The following MDGA2 variants were observed in gnomAD, a reference collection of about 807,000 sequenced individuals.
The protein encoded by MDGA2 is MAM domain-containing glycosylphosphatidylinositol anchor protein 2.
Under a neutral mutation model 117.8 loss-of-function variants are expected in MDGA2, and 40 were observed. The observed-to-expected ratio is 0.34, with a 90% CI of 0.26 to 0.44. The LOEUF is 0.44. Among genes scored for constraint, MDGA2 ranks in the 20% least tolerant of loss-of-function variants. MDGA2 has a pLI of 1.00. For synonymous variants in MDGA2, 452 were observed against 439.0 expected (o/e 1.03, Z -0.37); for missense variants, 1,123 against 1,250.6 (o/e 0.90, Z 1.54).
intron 10 of MDGA2, among the ~76,000 whole-genome samples, chr14:46,893,950 T>A (rs1262560189): frequency 6.6e-6 from 1 of 151,990 alleles, no homozygotes; most frequent in African/African-American, 2.4e-5. Flanking sequence ...CCACCAGACA[T>A]CAGAAAGGCT....
chr14:46,948,677 T>C (rs1051994174), intron 9 of MDGA2, among the ~76,000 whole-genome samples: 5 of 151,918 alleles, frequency 3.3e-5, no homozygotes, highest in Admixed American at 1.3e-4. Flanking sequence ...TCTCTCAACG[T>C]TTCTCCTAAT....
At chr14:47,528,986 G>C (rs961484520) in intron 1 of MDGA2, among the ~76,000 whole-genome samples, 1 of 111,608 alleles carries the variant, frequency 9.0e-6, no homozygotes, top group Non-Finnish European at 1.8e-5. Flanking sequence ...TGTCAAGGGA[G>C]ATTTTACAAA....
chr14:47,462,375 C>CTAAAA (rs1893507477), intron 1 of MDGA2, among the ~76,000 whole-genome samples: 2 of 96,068 alleles, frequency 2.1e-5, no homozygotes, highest in Non-Finnish European at 4.3e-5. Flanking sequence ...GACTCCGTCC[C>CTAAAA]AAAAAAAAAA....
At chr14:47,516,700 T>C (rs971354222) in intron 1 of MDGA2, among the ~76,000 whole-genome samples, 1 of 152,178 alleles carries the variant, frequency 6.6e-6, no homozygotes, top group African/African-American at 2.4e-5. Context: ...GGGTCGGGCA[T>C]AGCTGAAGCA....
intron 1 of MDGA2, among the ~76,000 whole-genome samples, chr14:47,382,791 T>C (rs879515292): frequency 2.0e-5 from 3 of 152,204 alleles, no homozygotes; most frequent in Non-Finnish European, 4.4e-5. Context: ...TAGAAGACAG[T>C]GTGGCGATTC....
chr14:47,015,574 G>A (rs1888055388), intron 8 of MDGA2, among the ~76,000 whole-genome samples: 1 of 152,072 alleles, frequency 6.6e-6, no homozygotes, highest in African/African-American at 2.4e-5. Flanking sequence ...GAAAAGTCAT[G>A]ACTGGGAAGG....
intron 3 of MDGA2, among the ~76,000 whole-genome samples, chr14:47,184,200 T>C (rs1566670588): frequency 2.0e-5 from 3 of 152,150 alleles, no homozygotes; most frequent in East Asian, 1.9e-4. Context: ...TGTTTTCATA[T>C]TGTCTTATTG....
intron 6 of MDGA2, among the ~76,000 whole-genome samples, chr14:47,094,306 A>T (rs1323585328): frequency 1.3e-5 from 2 of 152,080 alleles, no homozygotes; most frequent in African/African-American, 4.8e-5. Flanking sequence ...AAAATTGAAG[A>T]AATAAATTTT....
intron 1 of MDGA2, among the ~76,000 whole-genome samples, chr14:47,607,433 C>G (rs1374491730): frequency 2.0e-5 from 3 of 152,044 alleles, no homozygotes; most frequent in African/African-American, 7.2e-5. Context: ...ATTTTAGTTG[C>G]TATATATCAA....
At chr14:46,938,267 G>C (rs989876552) in intron 9 of MDGA2, among the ~76,000 whole-genome samples, 2 of 151,914 alleles carry the variant, frequency 1.3e-5, no homozygotes. Flanking sequence ...GGCTGGGCAT[G>C]GTGGCTCATG....
intron 1 of MDGA2, among the ~76,000 whole-genome samples, chr14:47,612,766 T>G (rs765305891): frequency 1.3e-5 from 2 of 152,160 alleles, no homozygotes; most frequent in Non-Finnish European, 2.9e-5. Flanking sequence ...ATACAAGAAA[T>G]TAAGTGTACT....
At chr14:47,628,295 C>T (rs982334278) in intron 1 of MDGA2, among the ~76,000 whole-genome samples, 15 of 152,100 alleles carry the variant, frequency 9.9e-5, no homozygotes, top group African/African-American at 3.6e-4. Context: ...TAATTATGGG[C>T]CTATTTGCAT....
chr14:47,146,846 T>C (rs1882963857), intron 3 of MDGA2, among the ~76,000 whole-genome samples: 1 of 152,166 alleles, frequency 6.6e-6, no homozygotes, highest in Admixed American at 6.5e-5. Context: ...CTCTTTCTTG[T>C]CAAGTGGTGG....
chr14:47,407,336 T>C (rs1029858551), intron 1 of MDGA2, among the ~76,000 whole-genome samples: 2 of 152,234 alleles, frequency 1.3e-5, no homozygotes, highest in Non-Finnish European at 2.9e-5. Flanking sequence ...TATTTACTAC[T>C]TTTCAAGCTT....
chr14:47,326,958 G>A (rs748361656), intron 1 of MDGA2, among the ~76,000 whole-genome samples: 35 of 152,088 alleles, frequency 2.3e-4, no homozygotes, highest in Non-Finnish European at 4.1e-4. Context: ...TATTAACAAA[G>A]AGGCTGCTTA....
At chr14:47,020,347 A>T (rs1266394499) in intron 8 of MDGA2, among the ~76,000 whole-genome samples, 3 of 152,192 alleles carry the variant, frequency 2.0e-5, no homozygotes, top group Non-Finnish European at 4.4e-5. Context: ...AAACTCTATA[A>T]TTATGGTCAA....
At chr14:47,170,510 A>G (rs1043879597) in intron 3 of MDGA2, among the ~76,000 whole-genome samples, 2 of 152,152 alleles carry the variant, frequency 1.3e-5, no homozygotes, top group African/African-American at 4.8e-5. Flanking sequence ...CTAGTTTCTC[A>G]GAGATGTTGA....
intron 6 of MDGA2, among the ~76,000 whole-genome samples, chr14:47,095,520 A>G (rs1014377308): frequency 6.6e-6 from 1 of 151,974 alleles, no homozygotes; most frequent in Non-Finnish European, 1.5e-5. Flanking sequence ...AAGTATAAAC[A>G]AATTTAGAAG....
chr14:47,333,073 T>C (rs949018165), intron 1 of MDGA2, among the ~76,000 whole-genome samples: 7 of 151,944 alleles, frequency 4.6e-5, no homozygotes, highest in African/African-American at 1.7e-4. Flanking sequence ...GTTGATTCCA[T>C]CTTTGCTGTT....
Sources: gnomAD v4.1 joint callset for allele counts (sites outside exome capture counted in the v4.1 genomes callset) on GRCh38, gnomAD v4.1.1 for gene constraint, MANE v1.5 for transcripts, NCBI Gene and HGNC (gene_info 2026-07-23, HGNC 2026-07-21) for gene names.